The following ESR1 variants were observed in gnomAD, a reference collection of about 807,000 sequenced individuals.
ESR1 encodes the protein estrogen receptor.
A neutral mutation model predicts 52.7 loss-of-function variants in ESR1; 12 were observed. The observed-to-expected ratio is 0.23, with a 90% CI of 0.15 to 0.37. ESR1 has a LOEUF of 0.37. Ranked by LOEUF, ESR1 falls within the 10% of genes least tolerant of loss-of-function variation. The pLI, the probability that ESR1 is intolerant of heterozygous loss-of-function variation, is 1.00. For missense variants in ESR1, 584 were observed against 779.7 expected, an observed-to-expected ratio of 0.75 and a Z score of 2.99; for synonymous variants, 305 against 316.8, an observed-to-expected ratio of 0.96 and a Z score of 0.39.
At chr6:151,661,904 C>T (rs377253804) in intron 1 of ESR1, among the ~76,000 whole-genome samples, 8 of 152,318 alleles carry the variant, frequency 5.3e-5, no homozygotes, top group African/African-American at 1.7e-4. Flanking sequence ...TTCCTGAGGC[C>T]TTCCCAGCCA....
At chr6:151,676,631 C>T (rs1286841941) in intron 1 of ESR1, among the ~76,000 whole-genome samples, 4 of 152,132 alleles carry the variant, frequency 2.6e-5, no homozygotes, top group African/African-American at 4.8e-5. Flanking sequence ...TTAGCAGACC[C>T]AACACATGGG....
chr6:152,069,656 A>T (rs557759904), intron 6 of ESR1, among the ~76,000 whole-genome samples: 7 of 136,282 alleles, frequency 5.1e-5, no homozygotes, highest in Admixed American at 4.8e-4. Flanking sequence ...TTAGATTCTC[A>T]TGAGGGGCAC....
intron 2 of ESR1, among the ~76,000 whole-genome samples, chr6:151,790,833 G>T (rs971330593): frequency 1.3e-5 from 2 of 151,896 alleles, no homozygotes; most frequent in Middle Eastern, 3.2e-3. Flanking sequence ...ACATCTGTTG[G>T]GTATTCCTAA....
chr6:151,939,653 T>C (rs1355406401), intron 3 of ESR1, among the ~76,000 whole-genome samples: 2 of 152,174 alleles, frequency 1.3e-5, no homozygotes, highest in Admixed American at 6.5e-5. Flanking sequence ...ATAAAATGTC[T>C]ATGCAATATT....
At chr6:151,763,331 C>G (rs961722777) in intron 2 of ESR1, among the ~76,000 whole-genome samples, 2 of 152,242 alleles carry the variant, frequency 1.3e-5, no homozygotes, top group African/African-American at 4.8e-5. Context: ...TCTACGCATC[C>G]TCTCCACTTT....
At chr6:151,755,421 G>A (rs574269450) in intron 2 of ESR1, among the ~76,000 whole-genome samples, 18 of 152,082 alleles carry the variant, frequency 1.2e-4, no homozygotes, top group African/African-American at 4.3e-4. Context: ...AAACATCAGA[G>A]TATCCTGTTG....
intron 1 of ESR1, among the ~76,000 whole-genome samples, chr6:151,678,661 C>A (rs796747824): frequency 1.3e-5 from 2 of 151,094 alleles, no homozygotes; most frequent in African/African-American, 4.9e-5. Context: ...GATCAGACAC[C>A]TGTCTGGGCT....
chr6:151,903,656 G>A (rs947681272), intron 3 of ESR1, among the ~76,000 whole-genome samples: 4 of 152,136 alleles, frequency 2.6e-5, no homozygotes, highest in Non-Finnish European at 5.9e-5. Context: ...CTTCATTGAG[G>A]CTCATGCCAG....
chr6:152,122,794 G>A (rs1002789799), intron 6 of ESR1: 24 of 1,504,912 alleles, frequency 1.6e-5, no homozygotes, highest in Non-Finnish European at 2.2e-5. Flanking sequence ...CCAGCCTGGC[G>A]ATCAGCTGCC....
intron 2 of ESR1, among the ~76,000 whole-genome samples, chr6:151,706,437 G>T (rs1780189047): frequency 6.6e-6 from 1 of 152,170 alleles, no homozygotes; most frequent in Non-Finnish European, 1.5e-5. Context: ...AGAAGAGGTA[G>T]CGGGCATCCT....
At chr6:151,894,874 T>G (rs898731171) in intron 3 of ESR1, among the ~76,000 whole-genome samples, 1 of 151,904 alleles carries the variant, frequency 6.6e-6, no homozygotes, top group Non-Finnish European at 1.5e-5. Flanking sequence ...ATGTGGGCTC[T>G]TTTTTGGTTC....
At chr6:152,062,876 A>G (rs535304401) in intron 6 of ESR1, among the ~76,000 whole-genome samples, 5 of 152,268 alleles carry the variant, frequency 3.3e-5, no homozygotes, top group Non-Finnish European at 7.4e-5. Context: ...AATAAAAAAT[A>G]TTTCCTCCAG....
rs1277161061 is a variant in ESR1 at position 151,838,179 on chromosome 6, T to C, written c.453-4418T>C. 2.6e-5 allele frequency among the ~76,000 whole-genome samples: 4 copies of C among 152,184 alleles called. No homozygotes were observed. The East Asian group carries it at 7.7e-4, about 29-fold the overall frequency. On this transcript the variant is annotated intron_variant, in intron 1 of 7. Coordinates refer to ENST00000206249, the MANE Select transcript of ESR1 (RefSeq NM_000125.4). ...TGTGCCCAGCAAGAGACATTCATTT[T>C]GGTACTGTGATGGTACAGAAAAACA... is the stretch of plus-strand genomic sequence containing the variant.
At chr6:151,856,116 C>T (rs1052376361) in intron 2 of ESR1, among the ~76,000 whole-genome samples, 3 of 152,050 alleles carry the variant, frequency 2.0e-5, no homozygotes, top group African/African-American at 7.2e-5. Context: ...TATTTTGTTT[C>T]TAGGATGTGA....
At chr6:151,788,204 C>A (rs1787200682) in intron 2 of ESR1, among the ~76,000 whole-genome samples, 1 of 152,170 alleles carries the variant, frequency 6.6e-6, no homozygotes, top group African/African-American at 2.4e-5. Flanking sequence ...TTTTTGCAAA[C>A]TATGCGTCTA....
intron 2 of ESR1, among the ~76,000 whole-genome samples, chr6:151,743,564 A>G (rs137990070): frequency 2.0e-5 from 3 of 152,320 alleles, no homozygotes; most frequent in East Asian, 3.9e-4. Flanking sequence ...GAGTTCAAGC[A>G]TCACATTTTA....
At chr6:151,699,582 C>A (rs1173940142) in intron 1 of ESR1, among the ~76,000 whole-genome samples, 1 of 152,190 alleles carries the variant, frequency 6.6e-6, no homozygotes, top group Non-Finnish European at 1.5e-5. Flanking sequence ...TTAACCAAGG[C>A]AACCCTCAAA....
chr6:151,738,652 A>G (rs80319696), intron 2 of ESR1, among the ~76,000 whole-genome samples: 2,972 of 152,278 alleles, frequency 0.02, 35 homozygotes, highest in East Asian at 0.038. Flanking sequence ...CCAGCTCCAC[A>G]TATTCTATAA....
intron 4 of ESR1, among the ~76,000 whole-genome samples, chr6:151,999,965 A>G: frequency 6.6e-6 from 1 of 152,190 alleles, no homozygotes; most frequent in East Asian, 1.9e-4. Context: ...GTTTCAACCT[A>G]TAAATTTTAT....
Sources: allele counts gnomAD v4.1 joint callset (sites outside exome capture counted in the v4.1 genomes callset), GRCh38; gene constraint gnomAD v4.1.1; transcripts MANE v1.5; gene names NCBI Gene and HGNC (gene_info 2026-07-23, HGNC 2026-07-21).